Variants in PLA2G4C observed in about 807,000 individuals in gnomAD.
PLA2G4C encodes cytosolic phospholipase A2 gamma.
PLA2G4C carries 64 observed loss-of-function variants against 73.8 expected under a neutral mutation model. That is an observed-to-expected ratio of 0.87 (90% confidence interval 0.71 to 1.07). The LOEUF is 1.07. PLA2G4C is among the 50% of genes least tolerant of loss of function. The pLI, the probability that PLA2G4C is intolerant of heterozygous loss-of-function variation, is 0.00. For missense variants in PLA2G4C, 622 were observed against 665.4 expected (o/e 0.93, Z 0.72); for synonymous variants, 254 against 252.1 (o/e 1.01, Z -0.07).
At chr19:48,082,661 G>A (rs2030667149) in intron 10 of PLA2G4C, among the ~76,000 whole-genome samples, 1 of 151,050 alleles carries the variant, frequency 6.6e-6, no homozygotes, top group South Asian at 2.1e-4. Context: ...ACCATGCCCA[G>A]TTAATTTTTA....
intron 6 of PLA2G4C, among the ~76,000 whole-genome samples, chr19:48,097,494 C>T (rs1422939215): frequency 4.0e-5 from 6 of 151,874 alleles, no homozygotes; most frequent in Admixed American, 2.0e-4. Context: ...CCTCGTGATC[C>T]ACCCGCCTCG....
intron 4 of PLA2G4C, 35 bp from the exon 5 acceptor site, chr19:48,099,895 T>G (rs201796805): frequency 6.7e-5 from 99 of 1,480,236 alleles, no homozygotes; most frequent in Middle Eastern, 3.8e-4. Flanking sequence ...GTTGGGCATT[T>G]TAAGTGTGGA....
At chr19:48,096,449 G>T (rs2031572756) in intron 6 of PLA2G4C, among the ~76,000 whole-genome samples, 1 of 152,076 alleles carries the variant, frequency 6.6e-6, no homozygotes, top group South Asian at 2.1e-4. Flanking sequence ...CAGGCGTGGT[G>T]GTGCATGCCT....
intron 7 of PLA2G4C, among the ~76,000 whole-genome samples, chr19:48,094,937 T>G (rs751532849): frequency 6.6e-6 from 1 of 152,158 alleles, no homozygotes; most frequent in Non-Finnish European, 1.5e-5. Flanking sequence ...CAGGCTGGAG[T>G]GCAGTGGGGC....
chr19:48,110,485 G>T lies in PLA2G4C; in HGVS notation c.-33+2C>A. 6.8e-7 allele frequency: 1 copy of T among 1,475,386 alleles called. No individual in the cohort carries two copies. The allele number at this position is 1,475,386 out of a possible 1,614,324, so 91.4% of individuals were successfully genotyped here. A position where few individuals can be genotyped will look rare whatever the true frequency, so the allele number is the denominator to read the frequency against. On this transcript the variant is annotated splice_donor_variant, in intron 1 of 16. Transcript: ENST00000599921. LOFTEE classifies it low-confidence loss of function (5UTR_SPLICE). ...ACAGCCCTCCCTGCCCCCACGGCTT[G>T]CCTGAGCCTGGGTCTGGGGCGTGTG...
At chr19:48,101,127 T>TATATA (rs1491266778) in intron 4 of PLA2G4C, among the ~76,000 whole-genome samples, 198 of 43,362 alleles carry the variant, frequency 4.6e-3, no homozygotes, top group African/African-American at 0.027. Context: ...TATATATATA[T>TATATA]TTTTTTTTTT....
chr19:48,083,324 A>C (rs1184148520), intron 10 of PLA2G4C, among the ~76,000 whole-genome samples: 1 of 147,352 alleles, frequency 6.8e-6, no homozygotes, highest in Non-Finnish European at 1.5e-5. Context: ...GCTATGCACT[A>C]TTGTATCCAT....
At chr19:48,079,064 C>T (rs181296255) in intron 10 of PLA2G4C, among the ~76,000 whole-genome samples, 9 of 152,172 alleles carry the variant, frequency 5.9e-5, no homozygotes, top group African/African-American at 1.7e-4. Flanking sequence ...GATGGGGTTT[C>T]GCCATGTTGG....
At chr19:48,089,422 A>C (rs970696658) in intron 8 of PLA2G4C, among the ~76,000 whole-genome samples, 9 of 152,182 alleles carry the variant, frequency 5.9e-5, no homozygotes, top group African/African-American at 1.9e-4. Flanking sequence ...GTCTCAAAAA[A>C]ACAAACAACA....
intron 16 of PLA2G4C, 109 bp downstream of exon 16, chr19:48,052,888 C>T (rs781055117): frequency 1.7e-6 from 2 of 1,175,088 alleles, no homozygotes; most frequent in Non-Finnish European, 2.4e-6. Flanking sequence ...GGAGACACTG[C>T]CTATCTTTTT....
At chr19:48,092,450 T>C (rs2031362081) in intron 7 of PLA2G4C, among the ~76,000 whole-genome samples, 1 of 152,216 alleles carries the variant, frequency 6.6e-6, no homozygotes, top group Non-Finnish European at 1.5e-5. Flanking sequence ...GAGATATTCA[T>C]AGACCCATGT....
intron 14 of PLA2G4C, among the ~76,000 whole-genome samples, chr19:48,055,389 G>GTGTATATATATA (rs1555741561): frequency 7.5e-6 from 1 of 132,586 alleles, no homozygotes. Context: ...CATCTCTACA[G>GTGTATATATATA]TATATATATA....
chr19:48,082,907 A>G (rs1407962033), intron 10 of PLA2G4C, among the ~76,000 whole-genome samples: 6 of 119,710 alleles, frequency 5.0e-5, no homozygotes, highest in East Asian at 4.9e-4. Flanking sequence ...TCTGCCTCCC[A>G]GGTTCACGCC....
intron 12 of PLA2G4C, 195 bp downstream of exon 12, chr19:48,074,572 A>C: frequency 1.7e-6 from 1 of 588,374 alleles, no homozygotes; most frequent in Non-Finnish European, 3.0e-6. Context: ...GTCTCCTACA[A>C]TGGTTGAACT....
intron 13 of PLA2G4C, 122 bp downstream of exon 13, chr19:48,067,669 A>G (rs922346423): frequency 1.4e-6 from 1 of 734,392 alleles, no homozygotes; most frequent in Non-Finnish European, 2.5e-6. Flanking sequence ...CTTTGACACC[A>G]CCCCCCTCCA....
chr19:48,060,919 C>T (rs1968143618), intron 14 of PLA2G4C, among the ~76,000 whole-genome samples: 1 of 151,850 alleles, frequency 6.6e-6, no homozygotes, highest in Admixed American at 6.6e-5. Context: ...ATATGTTTTA[C>T]CATGATTATT....
At chr19:48,081,952 G>A (rs574514535) in intron 10 of PLA2G4C, among the ~76,000 whole-genome samples, 34 of 151,342 alleles carry the variant, frequency 2.2e-4, no homozygotes, top group African/African-American at 7.0e-4. Context: ...ATGGTGGTAC[G>A]TGCCTGTAAT....
Position 48,082,420 on chromosome 19 carries a change from G to T in PLA2G4C, c.844+2639C>A, listed in dbSNP as rs373721427. Among the ~76,000 whole-genome samples, 16 of 150,816 alleles carry T rather than the reference G, an allele frequency of 1.1e-4. No homozygotes were observed. In the East Asian group the frequency reaches 2.1e-3, roughly 20 times the overall value. ...TACACGTCGGTTAGGTCAAGCTTCT[G>T]CTTCATCTTTTTCAAATTTTTGAAT... On this transcript the variant is annotated intron_variant, in intron 10 of 16. Transcript: ENST00000599921.
intron 10 of PLA2G4C, among the ~76,000 whole-genome samples, chr19:48,082,719 G>A (rs576538832): frequency 8.0e-5 from 12 of 150,532 alleles, no homozygotes; most frequent in African/African-American, 1.7e-4. Context: ...GGCTGGTCTC[G>A]GACTCCTGAC....
Sources: allele counts gnomAD v4.1 joint callset (sites outside exome capture counted in the v4.1 genomes callset), GRCh38; gene constraint gnomAD v4.1.1; transcripts MANE v1.5; gene names NCBI Gene and HGNC (gene_info 2026-07-23, HGNC 2026-07-21).